KIF3A: variants seen among roughly 807,000 people sequenced by gnomAD.
KIF3A encodes kinesin-like protein KIF3A.
KIF3A carries 27 observed loss-of-function variants against 92.6 expected under a neutral mutation model. The ratio of observed to expected loss-of-function variants is 0.29; its 90% CI spans 0.21 to 0.40. The LOEUF is 0.40. Among genes scored for constraint, KIF3A ranks in the 10% least tolerant of loss-of-function variants. KIF3A has a pLI of 1.00. For missense variants in KIF3A, 581 were observed against 872.6 expected, an observed-to-expected ratio of 0.67 and a Z score of 4.21; for synonymous variants, 250 against 275.4, an observed-to-expected ratio of 0.91 and a Z score of 0.92.
intron 9 of KIF3A, among the ~76,000 whole-genome samples, chr5:132,709,259 G>C (rs1753332668): frequency 6.6e-6 from 1 of 152,092 alleles, no homozygotes; most frequent in South Asian, 2.1e-4. Context: ...TCATTCAAAG[G>C]GTTGAAATGA....
intron 2 of KIF3A, among the ~76,000 whole-genome samples, chr5:132,731,233 T>C (rs1340885235): frequency 1.3e-5 from 2 of 152,206 alleles, no homozygotes; most frequent in Admixed American, 6.5e-5. Context: ...AAGAAAACTA[T>C]ATACTTACAT....
intron 2 of KIF3A, among the ~76,000 whole-genome samples, chr5:132,728,085 TGA>T (rs1754098405): frequency 6.6e-6 from 1 of 152,222 alleles, no homozygotes; most frequent in Admixed American, 6.5e-5. Context: ...GAAAATATCA[TGA>T]GCTCATAGAC....
At chr5:132,712,482 T>G (rs1217290013) in intron 8 of KIF3A, among the ~76,000 whole-genome samples, 1 of 152,216 alleles carries the variant, frequency 6.6e-6, no homozygotes, top group Non-Finnish European at 1.5e-5. Flanking sequence ...GAAGGGGCTG[T>G]TCTTCCATAC....
intron 10 of KIF3A, among the ~76,000 whole-genome samples, chr5:132,707,506 C>G (rs979921813): frequency 2.0e-5 from 3 of 152,162 alleles, no homozygotes; most frequent in African/African-American, 7.2e-5. Context: ...AGTTTTAAAA[C>G]AGAAAACTAA....
At chr5:132,698,354 C>T (rs991778085) in intron 18 of KIF3A, among the ~76,000 whole-genome samples, 4 of 152,128 alleles carry the variant, frequency 2.6e-5, no homozygotes, top group Admixed American at 1.3e-4. Flanking sequence ...CCCAGGACTC[C>T]CATATCCCGA....
chr5:132,702,811 G>T, intron 13 of KIF3A, 74 bp downstream of exon 13: 1 of 1,436,564 alleles, frequency 7.0e-7, no homozygotes. Flanking sequence ...TACGATTATA[G>T]ATATTTAGCT....
chr5:132,717,983 A>T (rs1312263148), intron 5 of KIF3A, among the ~76,000 whole-genome samples: 1 of 152,190 alleles, frequency 6.6e-6, no homozygotes, highest in Non-Finnish European at 1.5e-5. Flanking sequence ...AATAATTAAC[A>T]TATTTCTGGT....
At position 132,708,968 on chromosome 5, in the gene KIF3A, G is replaced by C. The variant is rs1311333971; in HGVS notation, c.1239C>G (p.Ser413Arg). 5 of 1,549,876 alleles carry C rather than the reference G, an allele frequency of 3.2e-6. No individual in the cohort carries two copies. Among genetic ancestry groups the C allele is most frequent in the Non-Finnish European group, 4.4e-6 (5 of 1,146,430 alleles). Residue 413 changes from serine (S) to arginine (R), a missense_variant, in exon 10 of 19, where the codon AGC becomes AGG. This residue lies in a region of KIF3A where 167 missense variants were observed against 205.8 expected (regional missense o/e 0.81). Coordinates refer to ENST00000403231, the MANE Select transcript of KIF3A (RefSeq NM_001300791.2). ...EKRKKRRGSS[S>R]SSSSDSTCSV... is the part of the protein sequence containing the mutation. ...AACATGTGGAGTCTGAACTACTGCT[G>C]CTGCTACTGCCTGGAAAACAAAGAA...
intron 2 of KIF3A, among the ~76,000 whole-genome samples, chr5:132,727,616 A>C (rs1012146079): frequency 1.3e-5 from 2 of 152,210 alleles, no homozygotes; most frequent in African/African-American, 4.8e-5. Flanking sequence ...ACAATGCCAT[A>C]ATCACACAGT....
chr5:132,715,406 T>C (rs1464236132), intron 8 of KIF3A, among the ~76,000 whole-genome samples: 2 of 152,230 alleles, frequency 1.3e-5, no homozygotes, highest in Non-Finnish European at 1.5e-5. Flanking sequence ...TTGATATTGA[T>C]TGCAATGCCA....
At chr5:132,727,171 A>C (rs1473960761) in intron 2 of KIF3A, among the ~76,000 whole-genome samples, 1 of 152,276 alleles carries the variant, frequency 6.6e-6, no homozygotes, top group Non-Finnish European at 1.5e-5. Context: ...ACAGGTAACT[A>C]AAGATAAAAT....
In KIF3A at chr5:132,721,817, T is replaced by C. The variant is rs139704150; in HGVS notation, c.511-1103A>G. On this transcript the variant is annotated intron_variant, in intron 4 of 18. Transcript: ENST00000403231. ...CATGGTGGCACTGAGGCGGCCACTG[T>C]AGGAGTTTAGGGGTCTTCAGGCCCA... is the stretch of plus-strand genomic sequence containing the variant. Among the ~76,000 whole-genome samples the C allele has an allele frequency of 5.7e-3, 869 of 152,054 alleles. 5 individuals carry two copies. The highest frequency in any genetic ancestry group is 0.017 in the Middle Eastern group (5 of 292).
At chr5:132,705,447 T>C (rs1753179023) in intron 11 of KIF3A, among the ~76,000 whole-genome samples, 2 of 152,126 alleles carry the variant, frequency 1.3e-5, no homozygotes, top group East Asian at 3.9e-4. Flanking sequence ...AGGGTTCTAA[T>C]TGTTTCAATA....
chr5:132,737,336 C>CCCCA, intron 1 of KIF3A, 78 bp downstream of exon 1: 2 of 1,525,710 alleles, frequency 1.3e-6, no homozygotes, highest in Non-Finnish European at 1.8e-6. Context: ...GGCTCCGCGC[C>CCCCA]TCCATGGCAA....
intron 11 of KIF3A, among the ~76,000 whole-genome samples, chr5:132,705,125 T>C (rs901528019): frequency 2.0e-5 from 3 of 151,970 alleles, no homozygotes; most frequent in African/African-American, 7.2e-5. Context: ...GGCACAGTCA[T>C]CTGTATTGAA....
Position 132,696,665 on chromosome 5 carries a change from G to A in KIF3A, c.2150C>T (p.Pro717Leu), listed in dbSNP as rs940128963. 6.2e-7 allele frequency: 1 copy of A among 1,611,040 alleles called. No individual in the cohort carries two copies. Among genetic ancestry groups the A allele is most frequent in the Non-Finnish European group, 8.5e-7 (1 of 1,177,398 alleles). Residue 717 changes from proline (P) to leucine (L), a missense_variant, in exon 19 of 19, where the codon CCT (proline) becomes CTT (leucine). This residue lies in a region of KIF3A where 112 missense variants were observed against 144.3 expected (regional missense o/e 0.78). Transcript: ENST00000403231. The part of the protein sequence containing the change: ...KTGRRKRSAK[P>L]ETVIDSLLQ Reference sequence around the variant, plus strand: ...CAGTAAAGAGTCAATTACAGTTTCAGGCTTTGCAGAACGCTTTCTGTTTGG... The same window carrying A: ...CAGTAAAGAGTCAATTACAGTTTCAAGCTTTGCAGAACGCTTTCTGTTTGG...
chr5:132,708,857 G>A (rs890758196), intron 10 of KIF3A, 50 bp downstream of exon 10: 2 of 1,275,358 alleles, frequency 1.6e-6, no homozygotes, highest in Admixed American at 2.0e-5. Flanking sequence ...AAGCCCATGG[G>A]TTATGGAAAA....
chr5:132,695,621 T>C lies in KIF3A; in HGVS notation c.*1013A>G, dbSNP rs572530728. On this transcript the variant is annotated 3_prime_UTR_variant, in exon 19 of 19. Coordinates refer to ENST00000403231, the MANE Select transcript of KIF3A (RefSeq NM_001300791.2). ...AATATGGTCTAACTGGATTACCCAATAGAAGAAATTCAGAAAATAATATTT... is the reference window on the plus strand; with the variant it reads ...AATATGGTCTAACTGGATTACCCAACAGAAGAAATTCAGAAAATAATATTT... The C allele has an allele frequency of 9.9e-5, 15 of 152,256 alleles. No individual in the cohort carries two copies. Among genetic ancestry groups the C allele is most frequent in the African/African-American group, 2.7e-4 (11 of 41,508 alleles). 9.4% of individuals were successfully genotyped at this position (152,256 alleles called of 1,614,324 possible).
At position 132,692,736 on chromosome 5, in the gene KIF3A, G is replaced by A. The variant is rs1354187859; in HGVS notation, c.*3898C>T. 1 of 152,600 alleles carries A rather than the reference G, an allele frequency of 6.6e-6. No homozygotes were observed. Among genetic ancestry groups the A allele is most frequent in the Admixed American group, 6.6e-5 (1 of 15,252 alleles). 9.5% of individuals were successfully genotyped at this position (152,600 alleles called of 1,614,324 possible). A position where few individuals can be genotyped will look rare whatever the true frequency, so the allele number is the denominator to read the frequency against. On this transcript the variant is annotated 3_prime_UTR_variant, in exon 19 of 19. Transcript: ENST00000403231. ...AATTTATACATAAAATACAATGAAA[G>A]CATGGCTTTTGAAACTGATGCAACA...
Sources: allele counts gnomAD v4.1 joint callset (sites outside exome capture counted in the v4.1 genomes callset), GRCh38; gene constraint gnomAD v4.1.1; regional missense constraint gnomAD v4.1.1; transcripts MANE v1.5; gene names NCBI Gene and HGNC (gene_info 2026-07-23, HGNC 2026-07-21).